The following UBP1 variants were observed in gnomAD, a reference collection of about 807,000 sequenced individuals.
UBP1 encodes upstream-binding protein 1.
A neutral mutation model predicts 76.1 loss-of-function variants in UBP1; 22 were observed. That is an observed-to-expected ratio of 0.29 (90% confidence interval 0.21 to 0.41). The LOEUF (loss-of-function observed/expected upper bound fraction) is 0.41. UBP1 is among the 10% of genes least tolerant of loss of function. The pLI is 1.00. For missense variants in UBP1, 436 were observed against 668.1 expected (o/e 0.65, Z 3.83); for synonymous variants, 224 against 237.1 (o/e 0.94, Z 0.51).
chr3:33,402,977 T>C, intron 8 of UBP1, 73 bp from the exon 9 acceptor site: 5 of 1,281,174 alleles, frequency 3.9e-6, no homozygotes, highest in Non-Finnish European at 4.4e-6. Context: ...TGTAATTCAC[T>C]CACTAACCAA....
intron 4 of UBP1, among the ~76,000 whole-genome samples, 163 bp downstream of exon 4, chr3:33,412,559 G>A (rs2044617615): frequency 6.7e-6 from 1 of 149,484 alleles, no homozygotes; most frequent in South Asian, 2.1e-4. Flanking sequence ...CTTATCCTGG[G>A]CGAGAGAGCA....
rs1332303176 is a variant in UBP1, at chr3:33,416,740, A to T, written c.342+18T>A. On this transcript the variant is annotated intron_variant, in intron 3 of 15. Transcript: ENST00000283629. ...ATCACAGCAATATCCATTGGGAATT[A>T]AAATGGACTGTCCTTACCTTTACTA... 2 of 1,585,144 alleles carry T rather than the reference A, an allele frequency of 1.3e-6. No individual in the cohort carries two copies.
At chr3:33,425,872 T>TTAA (rs35027385) in intron 1 of UBP1, 131 bp from the exon 2 acceptor site, 3 of 748,558 alleles carry the variant, frequency 4.0e-6, no homozygotes, top group Non-Finnish European at 3.8e-6. Flanking sequence ...ATAGTTTTTT[T>TTAA]TTTAAGATCA....
chr3:33,395,194 T>C (rs1019285248), intron 13 of UBP1, among the ~76,000 whole-genome samples: 2 of 152,180 alleles, frequency 1.3e-5, no homozygotes, highest in African/African-American at 4.8e-5. Context: ...GAAGTCAAAA[T>C]AATACCAAAT....
At chr3:33,432,853 A>G (rs1050915694) in intron 1 of UBP1, among the ~76,000 whole-genome samples, 23 of 152,286 alleles carry the variant, frequency 1.5e-4, no homozygotes, top group Admixed American at 9.8e-4. Context: ...TAATTTCTTG[A>G]TTTTGACAAT....
chr3:33,402,990 G>T (rs188923327), intron 8 of UBP1, 86 bp from the exon 9 acceptor site: 3 of 1,162,170 alleles, frequency 2.6e-6, no homozygotes, highest in Admixed American at 2.1e-5. Flanking sequence ...CTAACCAAAT[G>T]CAAGATTATA....
chr3:33,400,890 T>C (rs1025696622), intron 10 of UBP1, 72 bp downstream of exon 10: 3 of 1,457,072 alleles, frequency 2.1e-6, no homozygotes, highest in Non-Finnish European at 2.8e-6. Flanking sequence ...CTCCATACAT[T>C]TGCACAAAAA....
At position 33,396,279 on chromosome 3, in the gene UBP1, A is replaced by G; in HGVS notation, c.1273T>C (p.Ser425Pro). The G allele has an allele frequency of 6.4e-7, 1 of 1,572,570 alleles. No homozygotes were observed. Among genetic ancestry groups the G allele is most frequent in the South Asian group, 1.1e-5 (1 of 88,020 alleles). ...TAGATGGTTAAACGGGGTCTAACCG[A>G]CCTGCAATCAGAAGATGCCACTGAT... The part of the protein sequence containing the change: ...IRLYNSLKSR[S>P]VRPRLTIYVC... Residue 425 changes from serine to proline, a missense_variant and splice_region_variant, in exon 13 of 16, where the codon TCG (serine) becomes CCG (proline). This residue lies in a region of UBP1 where 210 missense variants were observed against 272.8 expected (regional missense o/e 0.77). Coordinates refer to ENST00000283629, the MANE Select transcript of UBP1 (RefSeq NM_014517.5).
chr3:33,434,430 T>C (rs1352127478), intron 1 of UBP1, among the ~76,000 whole-genome samples: 1 of 150,414 alleles, frequency 6.6e-6, no homozygotes, highest in Non-Finnish European at 1.5e-5. Flanking sequence ...TCCCAGTAGC[T>C]GCGATTACAC....
At chr3:33,401,221 T>A (rs1291581734) in intron 9 of UBP1, among the ~76,000 whole-genome samples, 1 of 152,186 alleles carries the variant, frequency 6.6e-6, no homozygotes, top group Non-Finnish European at 1.5e-5. Flanking sequence ...GAAGACTGTG[T>A]CTTAATTTGT....
intron 2 of UBP1, among the ~76,000 whole-genome samples, 159 bp downstream of exon 2, chr3:33,425,431 C>T (rs2044995021): frequency 6.6e-6 from 1 of 152,216 alleles, no homozygotes. Flanking sequence ...TGTACTTCAG[C>T]TGCTCACAGT....
chr3:33,408,444 CT>C (rs1007322898), intron 8 of UBP1, among the ~76,000 whole-genome samples: 2 of 151,980 alleles, frequency 1.3e-5, no homozygotes, highest in African/African-American at 2.4e-5. Flanking sequence ...CTCTGAGTGT[CT>C]TTTTTTCCCT....
Position 33,439,866 on chromosome 3 carries a change from G to A in UBP1, c.-18C>T. The A allele has an allele frequency of 1.2e-6, 2 of 1,609,806 alleles. No homozygotes were observed. Among genetic ancestry groups the A allele is most frequent in the East Asian group, 2.2e-5 (1 of 44,624 alleles). On this transcript the variant is annotated 5_prime_UTR_variant, in exon 1 of 16. Coordinates refer to ENST00000283629, the MANE Select transcript of UBP1 (RefSeq NM_014517.5). ...CAGGCCATCTTCCGGCCTCGCCGTC[G>A]CCCCGCACACCGCGGCCTCCGCGTC...
intron 3 of UBP1, among the ~76,000 whole-genome samples, chr3:33,413,631 A>G (rs2044653165): frequency 6.6e-6 from 1 of 152,126 alleles, no homozygotes; most frequent in Non-Finnish European, 1.5e-5. Context: ...GCTGCCTTGA[A>G]AAAGTGAACT....
chr3:33,431,345 T>C (rs1455565341), intron 1 of UBP1, among the ~76,000 whole-genome samples: 2 of 152,162 alleles, frequency 1.3e-5, no homozygotes, highest in Non-Finnish European at 2.9e-5. Context: ...TGGTGAAATA[T>C]ACCAATTCAT....
At chr3:33,433,680 G>A (rs1255034342) in intron 1 of UBP1, among the ~76,000 whole-genome samples, 1 of 151,070 alleles carries the variant, frequency 6.6e-6, no homozygotes, top group Non-Finnish European at 1.5e-5. Context: ...TACCACCAAA[G>A]GCTGACAATT....
At chr3:33,423,319 G>A (rs967078354) in intron 2 of UBP1, among the ~76,000 whole-genome samples, 1 of 152,084 alleles carries the variant, frequency 6.6e-6, no homozygotes, top group Non-Finnish European at 1.5e-5. Context: ...GATTACAGGC[G>A]TGAGCCATCG....
chr3:33,422,316 G>A (rs769618430), intron 2 of UBP1, among the ~76,000 whole-genome samples: 4 of 152,096 alleles, frequency 2.6e-5, no homozygotes, highest in East Asian at 1.9e-4. Context: ...TGAGGCAGGA[G>A]GACTGCTTGA....
intron 8 of UBP1, among the ~76,000 whole-genome samples, chr3:33,405,876 G>C (rs1559677121): frequency 6.6e-6 from 1 of 152,062 alleles, no homozygotes; most frequent in African/African-American, 2.4e-5. Context: ...ATGGCTACAG[G>C]GGCTTAAAAC....
Sources: allele counts gnomAD v4.1 joint callset (sites outside exome capture counted in the v4.1 genomes callset), GRCh38; gene constraint gnomAD v4.1.1; regional missense constraint gnomAD v4.1.1; transcripts MANE v1.5; gene names NCBI Gene and HGNC (gene_info 2026-07-23, HGNC 2026-07-21).